Variants in MTR observed in about 807,000 individuals in gnomAD.
MTR encodes 5-methyltetrahydrofolate-homocysteine methyltransferase, also known as methionine synthase.
MTR carries 84 observed loss-of-function variants against 154.8 expected under a neutral mutation model. The observed-to-expected ratio is 0.54, with a 90% CI of 0.45 to 0.65. MTR has a LOEUF of 0.65. Ranked by LOEUF, MTR falls within the 30% of genes least tolerant of loss-of-function variation. The pLI, the probability that MTR is intolerant of heterozygous loss-of-function variation, is 0.00. For synonymous variants in MTR, 554 were observed against 553.9 expected, an observed-to-expected ratio of 1.00 and a Z score of 0.00; for missense variants, 1,275 against 1,570.2, an observed-to-expected ratio of 0.81 and a Z score of 3.18.
rs908584950 is a variant in MTR at position 236,897,795 on chromosome 1, G to A, written c.*151G>A. The A allele has an allele frequency of 5.6e-6, 4 of 708,334 alleles. No individual in the cohort carries two copies. The highest frequency in any genetic ancestry group is 3.4e-5 in the South Asian group (2 of 59,668). The allele number at this position is 708,334 out of a possible 1,614,324, so 43.9% of individuals were successfully genotyped here. A position where few individuals can be genotyped will look rare whatever the true frequency, so the allele number is the denominator to read the frequency against. On this transcript the variant is annotated 3_prime_UTR_variant, in exon 33 of 33. Coordinates refer to ENST00000366577, the MANE Select transcript of MTR (RefSeq NM_000254.3). The stretch of plus-strand genomic sequence containing the variant: ...TTCGAAGACTATTTAGTGGAACCTT[G>A]TAGAGGAGCAGGGTCTTCCTGCAGT...
Position 236,889,959 on chromosome 1 carries a change from TTAC to T in MTR, c.3007+627_3007+629del, listed in dbSNP as rs548998456. 4.6e-5 allele frequency among the ~76,000 whole-genome samples: 7 copies of T among 151,994 alleles called. 1 individual carries two copies. In the East Asian group the frequency reaches 1.4e-3, roughly 29 times the overall value. Reference sequence around the variant, plus strand: ...CTAGAGAAGTAAGTGAGGTGTTAAATTACTACCCCCACTTCTCACTTCTAGCCT... The same window carrying T: ...CTAGAGAAGTAAGTGAGGTGTTAAATTACCCCCACTTCTCACTTCTAGCCT... On this transcript the variant is annotated intron_variant, in intron 28 of 32. Coordinates refer to ENST00000366577, the MANE Select transcript of MTR (RefSeq NM_000254.3).
rs539970470 is a variant in MTR, at chr1:236,843,433, G to C, written c.1515+4834G>C. 3.9e-4 allele frequency among the ~76,000 whole-genome samples: 60 copies of C among 152,230 alleles called. No homozygotes were observed. In the South Asian group the frequency reaches 0.012, roughly 30 times the overall value. On this transcript the variant is annotated intron_variant, in intron 15 of 32. Coordinates refer to ENST00000366577, the MANE Select transcript of MTR (RefSeq NM_000254.3). ...AAAGGTGGCAGATCAAATCACATAGGGCCTTGGAGGCCATTCCTAACACTT... is the reference window on the plus strand; with the variant it reads ...AAAGGTGGCAGATCAAATCACATAGCGCCTTGGAGGCCATTCCTAACACTT...
At chr1:236,829,508 T>A (rs1298306845) in intron 12 of MTR, among the ~76,000 whole-genome samples, 1 of 152,026 alleles carries the variant, frequency 6.6e-6, no homozygotes, top group African/African-American at 2.4e-5. Flanking sequence ...CCAGGTAGAG[T>A]CCTTGGTGGG....
chr1:236,819,869 C>T (rs1423572203), intron 8 of MTR: 1 of 790,716 alleles, frequency 1.3e-6, no homozygotes, highest in East Asian at 2.4e-5. Context: ...GTGTCATATC[C>T]TCCAGGAATA....
At chr1:236,825,100 TC>T (rs1474955660) in intron 9 of MTR, among the ~76,000 whole-genome samples, 1 of 146,956 alleles carries the variant, frequency 6.8e-6, no homozygotes, top group African/African-American at 2.5e-5. Context: ...ATATTTTCTT[TC>T]AAACGGAAAA....
intron 1 of MTR, among the ~76,000 whole-genome samples, chr1:236,796,325 T>C (rs577376876): frequency 3.2e-4 from 48 of 152,346 alleles, no homozygotes; most frequent in African/African-American, 1.1e-3. Flanking sequence ...ATTCTGATGT[T>C]GGTGGCCCTG....
At chr1:236,810,775 C>T (rs1661256858) in intron 5 of MTR, among the ~76,000 whole-genome samples, 180 bp downstream of exon 5, 1 of 152,102 alleles carries the variant, frequency 6.6e-6, no homozygotes, top group Non-Finnish European at 1.5e-5. Flanking sequence ...AGAAAGTTAG[C>T]TATGATGATT....
rs369825451 is a variant in MTR, at chr1:236,795,751, C to G, written c.34+14C>G. On this transcript the variant is annotated intron_variant, in intron 1 of 32. Coordinates refer to ENST00000366577, the MANE Select transcript of MTR (RefSeq NM_000254.3). Reference sequence around the variant, plus strand: ...TGTCGCAACCCGGTAACGCTGCGACCCCGTCTGCGTGGTTGGGTTGTGTTT... The same window carrying G: ...TGTCGCAACCCGGTAACGCTGCGACGCCGTCTGCGTGGTTGGGTTGTGTTT... The G allele has an allele frequency of 6.2e-7, 1 of 1,614,142 alleles. No individual in the cohort carries two copies. Among genetic ancestry groups the G allele is most frequent in the African/African-American group, 1.3e-5 (1 of 75,072 alleles).
intron 22 of MTR, among the ~76,000 whole-genome samples, chr1:236,869,052 A>G (rs1170937723): frequency 1.3e-5 from 2 of 152,362 alleles, no homozygotes; most frequent in East Asian, 3.9e-4. Context: ...AACACATGCC[A>G]TCTTGTGGTG....
chr1:236,825,455 G>T, intron 10 of MTR, 56 bp downstream of exon 10: 5 of 1,473,706 alleles, frequency 3.4e-6, no homozygotes, highest in Non-Finnish European at 4.7e-6. Context: ...TTGAATTTTA[G>T]ATTTAGAGTA....
intron 1 of MTR, chr1:236,800,431 T>G: frequency 3.0e-6 from 3 of 985,424 alleles, no homozygotes; most frequent in Non-Finnish European, 3.6e-6. Context: ...CAGGGAGAAT[T>G]GCAGCTACAT....
In MTR at chr1:236,795,605, G is replaced by T; in HGVS notation, c.-99G>T. The T allele has an allele frequency of 6.2e-7, 1 of 1,600,680 alleles. No individual in the cohort carries two copies. The highest frequency in any genetic ancestry group is 8.5e-7 in the Non-Finnish European group (1 of 1,177,070). ...AAAAGACCCGGGCCTTGTGTGGCAG[G>T]CTCGCCTGGCGCTGGCTGGCGTGGC... is the stretch of plus-strand genomic sequence containing the variant. On this transcript the variant is annotated 5_prime_UTR_variant, in exon 1 of 33. Coordinates refer to ENST00000366577, the MANE Select transcript of MTR (RefSeq NM_000254.3).
At chr1:236,886,422 G>A (rs2147922952) in intron 27 of MTR, 55 bp downstream of exon 27, 1 of 1,536,082 alleles carries the variant, frequency 6.5e-7, no homozygotes, top group Non-Finnish European at 9.0e-7. Flanking sequence ...ACAGTGTGCT[G>A]AGGAAATACA....
intron 8 of MTR, chr1:236,820,459 G>C: frequency 1.4e-6 from 2 of 1,411,118 alleles, no homozygotes; most frequent in Non-Finnish European, 2.0e-6. Flanking sequence ...ACGGAAGACT[G>C]GTCTGCAGCT....
intron 16 of MTR, among the ~76,000 whole-genome samples, chr1:236,852,249 C>G (rs1182959845): frequency 1.7e-5 from 2 of 119,964 alleles, no homozygotes; most frequent in African/African-American, 6.5e-5. Flanking sequence ...TCCTCTTTGT[C>G]TTTCTGCGTG....
At chr1:236,839,414 T>G (rs1057147654) in intron 15 of MTR, among the ~76,000 whole-genome samples, 1 of 152,002 alleles carries the variant, frequency 6.6e-6, no homozygotes. Flanking sequence ...AATAAACTTA[T>G]GAGAAGATAC....
At chr1:236,892,174 C>G (rs1182143584) in intron 29 of MTR, among the ~76,000 whole-genome samples, 5 of 152,094 alleles carry the variant, frequency 3.3e-5, no homozygotes, top group African/African-American at 7.2e-5. Context: ...TTCAGTCGTT[C>G]AGAAATAATA....
chr1:236,804,902 G>A (rs982693942), intron 2 of MTR, among the ~76,000 whole-genome samples: 3 of 151,528 alleles, frequency 2.0e-5, no homozygotes, highest in Non-Finnish European at 4.4e-5. Context: ...CATGCTTTAC[G>A]TATCATTCTA....
In MTR at chr1:236,803,528, G is replaced by C. The variant is rs747724978; in HGVS notation, c.135G>C (p.Lys45Asn). ...TGGGGACCATGATCCAGCGGGAGAAGCTAAACGAAGAACACTTCCGAGGTC... is the reference window on the plus strand; with the variant it reads ...TGGGGACCATGATCCAGCGGGAGAACCTAAACGAAGAACACTTCCGAGGTC... ...GGMGTMIQRE[K>N]LNEEHFRGQE... The change falls in exon 2 of 33, where the codon AAG (lysine) becomes AAC (asparagine). Residue 45 changes from lysine (K) to asparagine (N), a missense_variant. Coordinates refer to ENST00000366577, the MANE Select transcript of MTR (RefSeq NM_000254.3). 6.2e-6 allele frequency: 10 copies of C among 1,614,080 alleles called. No homozygotes were observed. The highest frequency in any genetic ancestry group is 8.5e-6 in the Non-Finnish European group (10 of 1,180,038).
Sources: gnomAD v4.1 joint callset for allele counts (sites outside exome capture counted in the v4.1 genomes callset) on GRCh38, gnomAD v4.1.1 for gene constraint, MANE v1.5 for transcripts, NCBI Gene and HGNC (gene_info 2026-07-23, HGNC 2026-07-21) for gene names.